The following LRRC45 variants were observed in gnomAD, a reference collection of about 807,000 sequenced individuals.
LRRC45 encodes the protein leucine rich repeat containing 45.
A neutral mutation model predicts 85.4 loss-of-function variants in LRRC45; 73 were observed. That is an observed-to-expected ratio of 0.85 (90% confidence interval 0.71 to 1.04). LRRC45 has a LOEUF of 1.04. Among genes scored for constraint, LRRC45 ranks in the 50% least tolerant of loss-of-function variants. The probability of loss-of-function intolerance (pLI) is 0.00; values close to 1 mark genes in which losing one functional copy is unlikely to be tolerated. For missense variants in LRRC45, 937 were observed against 883.3 expected, an observed-to-expected ratio of 1.06 and a Z score of -0.77; for synonymous variants, 429 against 386.0, an observed-to-expected ratio of 1.11 and a Z score of -1.31.
At position 82,023,662 on chromosome 17, in the gene LRRC45, T is replaced by A; in HGVS notation, c.19T>A (p.Ser7Thr). Reference sequence around the variant, plus strand: ...GCGGGTCATGGAGGAGTTCCGGCGCTCCTACAGCCGCCTGTGCAGGGAGAG... The same window carrying A: ...GCGGGTCATGGAGGAGTTCCGGCGCACCTACAGCCGCCTGTGCAGGGAGAG... MEEFRR[S>T]YSRLCRESGA... Residue 7 changes from serine to threonine, a missense_variant, in exon 1 of 17, where the codon TCC (serine) becomes ACC (threonine). Ser to Thr is a moderately conservative substitution (Grantham distance 58). Transcript: ENST00000306688. 6.5e-7 allele frequency: 1 copy of A among 1,543,804 alleles called. No individual in the cohort carries two copies. The highest frequency in any genetic ancestry group is 8.7e-7 in the Non-Finnish European group (1 of 1,150,684).
intron 8 of LRRC45, 71 bp from the exon 9 acceptor site, chr17:82,027,940 A>AAAGCAGC (rs2043383005): frequency 1.9e-6 from 3 of 1,544,886 alleles, no homozygotes; most frequent in Non-Finnish European, 2.6e-6. Flanking sequence ...AGCAACAGTG[A>AAAGCAGC]AAGCAGCGAG....
At chr17:82,027,857 T>C in intron 8 of LRRC45, 106 bp downstream of exon 8, 1 of 1,520,720 alleles carries the variant, frequency 6.6e-7, no homozygotes, top group Admixed American at 1.8e-5. Flanking sequence ...AGGTGGGAAA[T>C]GGTGAGGCTG....
At chr17:82,025,253 G>T in intron 4 of LRRC45, 75 bp downstream of exon 4, 1 of 1,532,578 alleles carries the variant, frequency 6.5e-7, no homozygotes. Flanking sequence ...GAGGGGCTAG[G>T]GGACTGGCCT....
At chr17:82,026,028 G>GC (rs921013880) in intron 5 of LRRC45, among the ~76,000 whole-genome samples, 2 of 152,138 alleles carry the variant, frequency 1.3e-5, no homozygotes, top group African/African-American at 4.8e-5. Context: ...ACTTTGCCAG[G>GC]CCCCCCGTAC....
intron 15 of LRRC45, 28 bp from the exon 16 acceptor site, chr17:82,030,291 C>T (rs1568016845): frequency 5.2e-6 from 8 of 1,544,102 alleles, no homozygotes; most frequent in East Asian, 2.5e-5. Context: ...CAACCCTCGC[C>T]TCACTCCCCA....
Position 82,023,417 on chromosome 17 carries a change from G to A in LRRC45, c.-227G>A. 1.9e-6 allele frequency: 1 copy of A among 524,282 alleles called. No homozygotes were observed. Among genetic ancestry groups the A allele is most frequent in the East Asian group, 3.4e-5 (1 of 29,484 alleles). The allele number at this position is 524,282 out of a possible 1,614,324, so 32.5% of individuals were successfully genotyped here. On this transcript the variant is annotated 5_prime_UTR_variant, in exon 1 of 17. Coordinates refer to ENST00000306688, the MANE Select transcript of LRRC45 (RefSeq NM_144999.4). ...CGACGCACCTGCCTGCTTCCTGCAC[G>A]GGTGGTCCCCAAGCACTGCGGGGCC...
In LRRC45 at chr17:82,023,688, T is replaced by C. The variant is rs1194360865; in HGVS notation, c.45T>C (p.Ser15=). 1.3e-6 allele frequency: 2 copies of C among 1,552,238 alleles called. No homozygotes were observed. Among genetic ancestry groups the C allele is most frequent in the Non-Finnish European group, 8.7e-7 (1 of 1,155,328 alleles). ...CCTACAGCCGCCTGTGCAGGGAGAG[T>C]GGGGCCGAGCCCCAGGAGGCTGTCC... ...RRSYSRLCRE[S]GAEPQEAVLQ... Residue 15 remains serine, a synonymous_variant, in exon 1 of 17, where the codon AGT becomes AGC. Coordinates refer to ENST00000306688, the MANE Select transcript of LRRC45 (RefSeq NM_144999.4).
chr17:82,030,669 G>A lies in LRRC45; in HGVS notation c.1877G>A (p.Arg626Gln). The stretch of plus-strand genomic sequence containing the variant: ...AGGGAGAGCGAGAACGCGTCTCTCC[G>A]GGAGAAGCTGCGGCTCCGGGAGGCG... ...LDRESENASL[R>Q]EKLRLREAEI... is the part of the protein sequence containing the mutation. The change falls in exon 17 of 17, where the codon CGG becomes CAG. Residue 626 changes from arginine (R) to glutamine (Q), a missense_variant. Coordinates refer to ENST00000306688, the MANE Select transcript of LRRC45 (RefSeq NM_144999.4). The A allele has an allele frequency of 1.4e-6, 2 of 1,466,328 alleles. No individual in the cohort carries two copies. The highest frequency in any genetic ancestry group is 1.8e-6 in the Non-Finnish European group (2 of 1,100,214). The allele number at this position is 1,466,328 out of a possible 1,614,324, so 90.8% of individuals were successfully genotyped here. A position where few individuals can be genotyped will look rare whatever the true frequency, so the allele number is the denominator to read the frequency against.
chr17:82,025,363 A>T lies in LRRC45; in HGVS notation c.533-16A>T. 6.4e-7 allele frequency: 1 copy of T among 1,561,716 alleles called. No individual in the cohort carries two copies. The highest frequency in any genetic ancestry group is 8.7e-7 in the Non-Finnish European group (1 of 1,152,870). On this transcript the variant is annotated splice_polypyrimidine_tract_variant and intron_variant, in intron 4 of 16. Coordinates refer to ENST00000306688, the MANE Select transcript of LRRC45 (RefSeq NM_144999.4). Reference sequence around the variant, plus strand: ...GCCAGGTGCATTCTGTCTGGTGACTACAGGTTTCCTTCCAGACCTGCGCTG... The same window carrying T: ...GCCAGGTGCATTCTGTCTGGTGACTTCAGGTTTCCTTCCAGACCTGCGCTG...
At position 82,023,346 on chromosome 17, in the gene LRRC45, G is replaced by C; in HGVS notation, c.-298G>C. On this transcript the variant is annotated 5_prime_UTR_variant, in exon 1 of 17. Transcript: ENST00000306688. ...GAGGCCCCGACGCGGCTGTCGCGAG[G>C]GCGGGGGTCGGGGCTGCAGGCGGGG... 1 of 468,924 alleles carries C rather than the reference G, an allele frequency of 2.1e-6. No individual in the cohort carries two copies. Among genetic ancestry groups the C allele is most frequent in the Non-Finnish European group, 3.8e-6 (1 of 265,986 alleles). 29.0% of individuals were successfully genotyped at this position (468,924 alleles called of 1,614,324 possible).
At position 82,027,453 on chromosome 17, in the gene LRRC45, G is replaced by T. The variant is rs1485317338; in HGVS notation, c.833+9G>T. On this transcript the variant is annotated intron_variant, in intron 7 of 16. Coordinates refer to ENST00000306688, the MANE Select transcript of LRRC45 (RefSeq NM_144999.4). ...ATGGCCAAGAGCAGCAGGTGAGCGG[G>T]CCCAGGGCAGGGGCAGGGTGAGGCT... 4 of 1,612,570 alleles carry T rather than the reference G, an allele frequency of 2.5e-6. No homozygotes were observed. Among genetic ancestry groups the T allele is most frequent in the Non-Finnish European group, 3.4e-6 (4 of 1,179,950 alleles).
chr17:82,024,796 C>G, intron 3 of LRRC45, 33 bp downstream of exon 3: 3 of 1,560,016 alleles, frequency 1.9e-6, no homozygotes, highest in Non-Finnish European at 2.6e-6. Flanking sequence ...GGCCCTGTCT[C>G]TGTGTGGTTG....
Position 82,028,406 on chromosome 17 carries a change from T to C in LRRC45, c.1135T>C (p.Leu379=). The change falls in exon 11 of 17, where the codon TTG becomes CTG. Residue 379 remains leucine, a synonymous_variant. Transcript: ENST00000306688. ...TGGTGCCGGCTTTCAGGTAGACGAG[T>C]TGGAGCGGAAGTTCAGGTGTCAGCA... ...NLLLQNQVDE[L]ERKFRCQQEQ... is the part of the protein sequence containing the mutation. 6.2e-7 allele frequency: 1 copy of C among 1,612,080 alleles called. No individual in the cohort carries two copies. Among genetic ancestry groups the C allele is most frequent in the East Asian group, 2.2e-5 (1 of 44,814 alleles).
intron 5 of LRRC45, 77 bp downstream of exon 5, chr17:82,025,584 C>T (rs2043361720): frequency 2.8e-6 from 4 of 1,450,662 alleles, no homozygotes; most frequent in Middle Eastern, 1.8e-4. Flanking sequence ...GTGCCGGGCT[C>T]AGGACGGGAA....
In LRRC45 at chr17:82,029,166, C is replaced by G. The variant is rs761573936; in HGVS notation, c.1382C>G (p.Ala461Gly). ...GAGCGGGTGCAGAGGCTGGAGGCGG[C>G]GCGGCTGTCCCTGGAGGAGGTGAGT... ...MQERVQRLEA[A>G]RLSLEEELSR... Residue 461 changes from alanine (A) to glycine (G), a missense_variant, in exon 13 of 17, where the codon GCG (alanine) becomes GGG (glycine). Ala to Gly is a moderately conservative substitution (Grantham distance 60, BLOSUM62 0). Coordinates refer to ENST00000306688, the MANE Select transcript of LRRC45 (RefSeq NM_144999.4). 2.7e-5 allele frequency: 43 copies of G among 1,611,122 alleles called. No homozygotes were observed. The highest frequency in any genetic ancestry group is 2.5e-6 in the Non-Finnish European group (3 of 1,179,642).
Position 82,024,719 on chromosome 17 carries a change from C to T in LRRC45, c.309C>T (p.Ala103=), listed in dbSNP as rs201106510. ...GCAACAACCTTCGGGCTGCAGGGGCCGAGGCTCTGGGAAAACTCCTCCAAC... is the reference window on the plus strand; with the variant it reads ...GCAACAACCTTCGGGCTGCAGGGGCTGAGGCTCTGGGAAAACTCCTCCAAC... ...LKGNNLRAAG[A]EALGKLLQQN... The change falls in exon 3 of 17, where the codon GCC becomes GCT. Residue 103 remains alanine, a synonymous_variant. Transcript: ENST00000306688. 110 of 1,577,320 alleles carry T rather than the reference C, an allele frequency of 7.0e-5. No individual in the cohort carries two copies. Among genetic ancestry groups the T allele is most frequent in the African/African-American group, 1.4e-4 (10 of 72,972 alleles).
chr17:82,023,912 C>A (rs749527881), intron 1 of LRRC45, 49 bp downstream of exon 1: 2 of 1,493,320 alleles, frequency 1.3e-6, no homozygotes, highest in South Asian at 2.4e-5. Context: ...GCTGCCCACA[C>A]CATTGCCTCG....
In LRRC45 at chr17:82,024,706, G is replaced by T; in HGVS notation, c.296G>T (p.Arg99Leu). The T allele has an allele frequency of 6.4e-7, 1 of 1,573,196 alleles. No homozygotes were observed. The highest frequency in any genetic ancestry group is 8.6e-7 in the Non-Finnish European group (1 of 1,163,612). ...RFLDLKGNNLRAAGAEALGKL... is the reference protein window; with the variant it reads ...RFLDLKGNNLLAAGAEALGKL... ...TTTCTCTCCTAGGGCAACAACCTTC[G>T]GGCTGCAGGGGCCGAGGCTCTGGGA... Residue 99 changes from arginine (R) to leucine (L), a missense_variant, in exon 3 of 17, where the codon CGG becomes CTG. Coordinates refer to ENST00000306688, the MANE Select transcript of LRRC45 (RefSeq NM_144999.4).
At chr17:82,030,004 A>G (rs1271415318) in intron 14 of LRRC45, 61 bp from the exon 15 acceptor site, 12 of 1,467,710 alleles carry the variant, frequency 8.2e-6, no homozygotes, top group Non-Finnish European at 1.1e-5. Context: ...CCGTGCAGAC[A>G]TTCCCTCAGC....
Sources: gnomAD v4.1 joint callset for allele counts (sites outside exome capture counted in the v4.1 genomes callset) on GRCh38, gnomAD v4.1.1 for gene constraint, MANE v1.5 for transcripts, NCBI Gene and HGNC (gene_info 2026-07-23, HGNC 2026-07-21) for gene names.